HTR1D: variants seen among roughly 807,000 people sequenced by gnomAD.
HTR1D encodes 5-HT-1D.
Under a neutral mutation model 21.1 loss-of-function variants are expected in HTR1D, and 18 were observed. That is an observed-to-expected ratio of 0.85 (90% CI 0.59 to 1.27). The LOEUF (loss-of-function observed/expected upper bound fraction) is 1.27. HTR1D is among the 50% of genes most tolerant of loss of function. HTR1D has a pLI of 0.00. For synonymous variants in HTR1D, 196 were observed against 204.4 expected (o/e 0.96, Z 0.35); for missense variants, 456 against 481.4 (o/e 0.95, Z 0.49).
At chr1:23,216,809 G>A (rs1319718805) in intron 1 of HTR1D, among the ~76,000 whole-genome samples, 6 of 152,284 alleles carry the variant, frequency 3.9e-5, no homozygotes, top group Non-Finnish European at 7.4e-5. Flanking sequence ...CACAGAGCCG[G>A]TCAGCCCCAG....
At chr1:23,207,373 C>T (rs1254006009) in intron 1 of HTR1D, among the ~76,000 whole-genome samples, 2 of 152,014 alleles carry the variant, frequency 1.3e-5, no homozygotes, top group Non-Finnish European at 2.9e-5. Flanking sequence ...CGTGCTACTG[C>T]ACTCCAGCCT....
At chr1:23,206,488 A>T (rs921378447) in intron 1 of HTR1D, among the ~76,000 whole-genome samples, 1 of 152,154 alleles carries the variant, frequency 6.6e-6, no homozygotes, top group African/African-American at 2.4e-5. Flanking sequence ...ATCTCCCAGC[A>T]TAGCTGGCTG....
intron 1 of HTR1D, among the ~76,000 whole-genome samples, chr1:23,216,284 G>C (rs1482780559): frequency 3.3e-5 from 5 of 152,262 alleles, no homozygotes; most frequent in Non-Finnish European, 7.3e-5. Flanking sequence ...ATGGCCACTA[G>C]TGGCTGAGCT....
chr1:23,210,593 G>A (rs1644749896), intron 1 of HTR1D, among the ~76,000 whole-genome samples: 1 of 152,110 alleles, frequency 6.6e-6, no homozygotes, highest in African/African-American at 2.4e-5. Context: ...GTGTGTTACA[G>A]GCTGAGACCA....
Position 23,194,780 on chromosome 1 carries a change from G to A in HTR1D, c.-561C>T, listed in dbSNP as rs1368453269. On this transcript the variant is annotated 5_prime_UTR_variant, in exon 2 of 2. Transcript: ENST00000374619. The stretch of plus-strand genomic sequence containing the variant: ...CTAGACACAAAAAGAAGTTCCAGCC[G>A]ATTCAGAGAAGCAGTCCAGTCAGCA... 6.2e-6 allele frequency: 1 copy of A among 160,016 alleles called. No individual in the cohort carries two copies. The highest frequency in any genetic ancestry group is 1.9e-4 in the East Asian group (1 of 5,196). 9.9% of individuals were successfully genotyped at this position (160,016 alleles called of 1,614,324 possible). A position where few individuals can be genotyped will look rare whatever the true frequency, so the allele number is the denominator to read the frequency against.
intron 1 of HTR1D, among the ~76,000 whole-genome samples, chr1:23,213,403 C>T (rs2148244755): frequency 6.6e-6 from 1 of 152,240 alleles, no homozygotes; most frequent in East Asian, 1.9e-4. Context: ...TCGCTTGAGC[C>T]TGTGAGACAG....
chr1:23,199,122 G>A (rs1028247563), intron 1 of HTR1D, among the ~76,000 whole-genome samples: 13 of 151,182 alleles, frequency 8.6e-5, no homozygotes, highest in African/African-American at 2.7e-4. Flanking sequence ...CCACCATGCC[G>A]GGCCTTTTTG....
intron 1 of HTR1D, among the ~76,000 whole-genome samples, chr1:23,205,517 G>T (rs1557725224): frequency 6.6e-6 from 1 of 152,112 alleles, no homozygotes; most frequent in Non-Finnish European, 1.5e-5. Flanking sequence ...AATGCCAATT[G>T]ATAAAGTCCC....
chr1:23,207,260 G>T (rs1644735140), intron 1 of HTR1D, among the ~76,000 whole-genome samples: 1 of 152,024 alleles, frequency 6.6e-6, no homozygotes, highest in Non-Finnish European at 1.5e-5. Flanking sequence ...AAATTATCTG[G>T]GTGTGGTGTG....
In HTR1D at chr1:23,193,015, T is replaced by TAA. The variant is rs11415810; in HGVS notation, c.*69_*70dup. 0.014 allele frequency: 11,154 copies of TAA among 811,830 alleles called. 102 individuals are homozygous for TAA. The highest frequency in any genetic ancestry group is 0.071 in the African/African-American group (3,701 of 51,856). The allele number at this position is 811,830 out of a possible 1,614,324, so 50.3% of individuals were successfully genotyped here. A position where few individuals can be genotyped will look rare whatever the true frequency, so the allele number is the denominator to read the frequency against. ...ATTAATCCAAGTCTCAGAAAATAAT[T>TAA]AAAAAAAAAAAAGACAATCCCGATG... On this transcript the variant is annotated 3_prime_UTR_variant, in exon 2 of 2. Coordinates refer to ENST00000374619, the MANE Select transcript of HTR1D (RefSeq NM_000864.5).
chr1:23,197,001 G>A (rs940425169), intron 1 of HTR1D, among the ~76,000 whole-genome samples: 8 of 152,218 alleles, frequency 5.3e-5, no homozygotes, highest in South Asian at 4.1e-4. Flanking sequence ...TGGTTGGCTC[G>A]TTTGAAACTT....
intron 1 of HTR1D, among the ~76,000 whole-genome samples, chr1:23,212,523 G>T (rs1194421038): frequency 6.6e-6 from 1 of 152,152 alleles, no homozygotes; most frequent in Non-Finnish European, 1.5e-5. Flanking sequence ...TCGCGTTTAG[G>T]ATTTGTAATA....
intron 1 of HTR1D, among the ~76,000 whole-genome samples, chr1:23,210,390 C>T (rs1392047492): frequency 6.6e-6 from 1 of 152,162 alleles, no homozygotes; most frequent in Non-Finnish European, 1.5e-5. Flanking sequence ...GTCTGCAGTT[C>T]TGACAAGCTC....
chr1:23,202,718 C>T (rs894995498), intron 1 of HTR1D, among the ~76,000 whole-genome samples: 1 of 152,158 alleles, frequency 6.6e-6, no homozygotes, highest in Non-Finnish European at 1.5e-5. Flanking sequence ...ATGGAGAAAT[C>T]ACTCTGCACA....
At chr1:23,214,185 G>A (rs1478606294) in intron 1 of HTR1D, among the ~76,000 whole-genome samples, 5 of 152,096 alleles carry the variant, frequency 3.3e-5, no homozygotes, top group East Asian at 1.9e-4. Flanking sequence ...CCAACACTTC[G>A]GGAGGCTGAG....
chr1:23,192,084 T>C lies in HTR1D; in HGVS notation c.*1002A>G, dbSNP rs941315914. On this transcript the variant is annotated 3_prime_UTR_variant, in exon 2 of 2. Transcript: ENST00000374619. ...TCAATCTACCTCAAAGGGGTGATCA[T>C]GGGTTTCAACTTCAGAATGTGAAGA... is the stretch of plus-strand genomic sequence containing the variant. 6.6e-6 allele frequency: 1 copy of C among 151,998 alleles called. No homozygotes were observed. Among genetic ancestry groups the C allele is most frequent in the African/African-American group, 2.4e-5 (1 of 41,374 alleles). The allele number at this position is 151,998 out of a possible 1,614,324, so 9.4% of individuals were successfully genotyped here. A position where few individuals can be genotyped will look rare whatever the true frequency, so the allele number is the denominator to read the frequency against.
chr1:23,193,995 G>T lies in HTR1D; in HGVS notation c.225C>A (p.Tyr75Ter), dbSNP rs374237538. 1.9e-6 allele frequency: 3 copies of T among 1,614,032 alleles called. No individual in the cohort carries two copies. In the African/African-American group the frequency reaches 4.0e-5, roughly 22 times the overall value. ...LTRKLHTPAN[Y>*]LIGSLATTDL... ...CGGTGGTGGCCAGGGAGCCAATCAGGTAGTTGGCAGGGGTGTGGAGCTTCC... is the reference window on the plus strand; with the variant it reads ...CGGTGGTGGCCAGGGAGCCAATCAGTTAGTTGGCAGGGGTGTGGAGCTTCC... The change falls in exon 2 of 2, where the codon TAC becomes TAA. Residue 75 changes from tyrosine to a stop codon, truncating the protein, a stop_gained. Transcript: ENST00000374619. LOFTEE classifies it high-confidence loss of function.
intron 1 of HTR1D, among the ~76,000 whole-genome samples, chr1:23,207,306 G>A (rs1311635187): frequency 6.6e-6 from 1 of 152,164 alleles, no homozygotes; most frequent in Admixed American, 6.5e-5. Flanking sequence ...CTAGTCAGGA[G>A]GCTGAGGCAG....
Position 23,193,444 on chromosome 1 carries a change from C to A in HTR1D, c.776G>T (p.Ser259Ile). The A allele has an allele frequency of 6.2e-7, 1 of 1,614,168 alleles. No homozygotes were observed. Among genetic ancestry groups the A allele is most frequent in the South Asian group, 1.1e-5 (1 of 91,088 alleles). The change falls in exon 2 of 2, where the codon AGC becomes ATC. Residue 259 changes from serine to isoleucine, a missense_variant. By Grantham distance (142) the Ser-to-Ile change is moderately radical (BLOSUM62 -2). Coordinates refer to ENST00000374619, the MANE Select transcript of HTR1D (RefSeq NM_000864.5). ...CGAGTGCGAGTGCCCCTCATGGAGG[C>A]TGGAGTTGAGCGAGCAGAGCGAGGA... The part of the protein sequence containing the change: ...AGSSLCSLNS[S>I]LHEGHSHSAG...
Sources: allele counts gnomAD v4.1 joint callset (sites outside exome capture counted in the v4.1 genomes callset), GRCh38; gene constraint gnomAD v4.1.1; transcripts MANE v1.5; gene names NCBI Gene and HGNC (gene_info 2026-07-23, HGNC 2026-07-21).